UBE4A: variants seen among roughly 807,000 people sequenced by gnomAD.
UBE4A encodes the protein ubiquitination factor E4A.
A neutral mutation model predicts 117.9 loss-of-function variants in UBE4A; 48 were observed. The observed-to-expected ratio is 0.41, with a 90% CI of 0.32 to 0.52. The LOEUF is 0.52. Ranked by LOEUF, UBE4A falls within the 20% of genes least tolerant of loss-of-function variation. UBE4A has a pLI of 0.33. For missense variants in UBE4A, 1,067 were observed against 1,296.3 expected (o/e 0.82, Z 2.72); for synonymous variants, 407 against 450.0 (o/e 0.90, Z 1.21).
At chr11:118,380,118 TG>T (rs1948688758) in intron 11 of UBE4A, among the ~76,000 whole-genome samples, 1 of 64,438 alleles carries the variant, frequency 1.6e-5, no homozygotes, top group African/African-American at 5.9e-5. Flanking sequence ...AGGGAAAGAG[TG>T]TGTGTGTGTG....
At position 118,374,885 on chromosome 11, in the gene UBE4A, T is replaced by C; in HGVS notation, c.1117-11T>C. 6.7e-7 allele frequency: 1 copy of C among 1,492,998 alleles called. No homozygotes were observed. The allele number at this position is 1,492,998 out of a possible 1,614,324, so 92.5% of individuals were successfully genotyped here. A position where few individuals can be genotyped will look rare whatever the true frequency, so the allele number is the denominator to read the frequency against. On this transcript the variant is annotated splice_polypyrimidine_tract_variant and intron_variant, in intron 8 of 19. Coordinates refer to ENST00000252108, the MANE Select transcript of UBE4A (RefSeq NM_001204077.2). Reference sequence around the variant, plus strand: ...TGAAACGTTCTGTGGTTGTGTTTTCTGGTTGAACAGTTCATGGCTCAGTTC... The same window carrying C: ...TGAAACGTTCTGTGGTTGTGTTTTCCGGTTGAACAGTTCATGGCTCAGTTC...
At chr11:118,364,374 T>C (rs1283213704) in intron 1 of UBE4A, among the ~76,000 whole-genome samples, 1 of 152,130 alleles carries the variant, frequency 6.6e-6, no homozygotes, top group Non-Finnish European at 1.5e-5. Flanking sequence ...GAAGGTTAGA[T>C]ATAGCATGAA....
intron 4 of UBE4A, 65 bp downstream of exon 4, chr11:118,369,600 C>A (rs1565530262): frequency 9.1e-6 from 10 of 1,098,076 alleles, no homozygotes; most frequent in Non-Finnish European, 1.2e-5. Context: ...GAATTCTGCT[C>A]ACTGTTCTCC....
At chr11:118,389,932 C>G in intron 17 of UBE4A, 27 bp downstream of exon 17, 1 of 1,514,492 alleles carries the variant, frequency 6.6e-7, no homozygotes, top group Non-Finnish European at 9.0e-7. Flanking sequence ...TCTGTCAAGC[C>G]AGAGGGGATG....
At chr11:118,383,733 A>T (rs1555126724) in intron 13 of UBE4A, among the ~76,000 whole-genome samples, 2 of 152,068 alleles carry the variant, frequency 1.3e-5, no homozygotes, top group Non-Finnish European at 2.9e-5. Context: ...TTTTAAAGGG[A>T]TATCTACCAT....
At chr11:118,390,848 C>T (rs1555128298) in intron 18 of UBE4A, 44 bp downstream of exon 18, 6 of 1,596,938 alleles carry the variant, frequency 3.8e-6, no homozygotes, top group East Asian at 2.3e-5. Context: ...TTAAGAACCA[C>T]GTTGTCAGCC....
In UBE4A at chr11:118,368,759, A is replaced by C; in HGVS notation, c.250A>C (p.Ile84Leu). ...SQQEICEQLN[I>L]NHMIQRIFLI... Reference sequence around the variant, plus strand: ...GCAGGAAATATGTGAGCAACTCAACATCAATCACATGATCCAAAGGATCTT... The same window carrying C: ...GCAGGAAATATGTGAGCAACTCAACCTCAATCACATGATCCAAAGGATCTT... Residue 84 changes from isoleucine (I) to leucine (L), a missense_variant, in exon 3 of 20, where the codon ATC (isoleucine) becomes CTC (leucine). Coordinates refer to ENST00000252108, the MANE Select transcript of UBE4A (RefSeq NM_001204077.2). 1 of 1,614,210 alleles carries C rather than the reference A, an allele frequency of 6.2e-7. No individual in the cohort carries two copies. The highest frequency in any genetic ancestry group is 8.5e-7 in the Non-Finnish European group (1 of 1,180,026).
At chr11:118,367,404 T>A (rs11216859) in intron 2 of UBE4A, among the ~76,000 whole-genome samples, 1 of 151,936 alleles carries the variant, frequency 6.6e-6, no homozygotes, top group African/African-American at 2.4e-5. Context: ...ACCATTAAAT[T>A]GTTTTTTTAC....
At chr11:118,365,235 G>T (rs751712426) in intron 2 of UBE4A, 34 bp downstream of exon 2, 2 of 1,535,024 alleles carry the variant, frequency 1.3e-6, no homozygotes, top group South Asian at 2.5e-5. Context: ...CAAATAAGAT[G>T]ACCTAGAATG....
rs1209577301 is a variant in UBE4A, at chr11:118,398,943, A to G, written c.*2503A>G. 2 of 321,886 alleles carry G rather than the reference A, an allele frequency of 6.2e-6. No homozygotes were observed. Among genetic ancestry groups the G allele is most frequent in the Non-Finnish European group, 1.3e-5 (2 of 154,506 alleles). 19.9% of individuals were successfully genotyped at this position (321,886 alleles called of 1,614,324 possible). On this transcript the variant is annotated 3_prime_UTR_variant, in exon 20 of 20. Coordinates refer to ENST00000252108, the MANE Select transcript of UBE4A (RefSeq NM_001204077.2). ...CTTTATTTGATGGTGGTTGCTAAGC[A>G]GCCATTGCACAGAGCATAAGTCTAC... is the stretch of plus-strand genomic sequence containing the variant.
intron 19 of UBE4A, 51 bp from the exon 20 acceptor site, chr11:118,396,263 A>G (rs782475879): frequency 6.3e-7 from 1 of 1,577,446 alleles, no homozygotes; most frequent in Admixed American, 2.0e-5. Context: ...TTGGCTTAGA[A>G]TGTTAGAACT....
intron 11 of UBE4A, 137 bp from the exon 12 acceptor site, chr11:118,381,254 C>T (rs941377967): frequency 1.1e-5 from 11 of 1,021,212 alleles, no homozygotes; most frequent in East Asian, 2.5e-5. Flanking sequence ...ATTGACTTAA[C>T]GACCATCTCT....
At position 118,392,722 on chromosome 11, in the gene UBE4A, G is replaced by A. The variant is rs370725026; in HGVS notation, c.2917-16G>A. On this transcript the variant is annotated splice_polypyrimidine_tract_variant and intron_variant, in intron 18 of 19. Coordinates refer to ENST00000252108, the MANE Select transcript of UBE4A (RefSeq NM_001204077.2). ...CACTGTGAATTCACTTTAACTACCAGATGTTGTATACTCAGTCTCTTGCAG... is the reference window on the plus strand; with the variant it reads ...CACTGTGAATTCACTTTAACTACCAAATGTTGTATACTCAGTCTCTTGCAG... 37 of 1,610,952 alleles carry A rather than the reference G, an allele frequency of 2.3e-5. No individual in the cohort carries two copies. The highest frequency in any genetic ancestry group is 3.1e-5 in the Non-Finnish European group (36 of 1,178,600).
intron 17 of UBE4A, among the ~76,000 whole-genome samples, chr11:118,390,391 ATTAT>A (rs1441256021): frequency 1.4e-5 from 2 of 144,986 alleles, no homozygotes; most frequent in East Asian, 3.9e-4. Context: ...TTTAATATAT[ATTAT>A]TTATAATTTA....
intron 4 of UBE4A, among the ~76,000 whole-genome samples, chr11:118,371,164 G>A (rs1948605306): frequency 6.6e-6 from 1 of 152,114 alleles, no homozygotes. Flanking sequence ...CTTCACATTT[G>A]GAGTATCTTT....
At chr11:118,392,359 T>C (rs1948826995) in intron 18 of UBE4A, among the ~76,000 whole-genome samples, 1 of 152,228 alleles carries the variant, frequency 6.6e-6, no homozygotes, top group South Asian at 2.1e-4. Context: ...TGAGTGACTC[T>C]AATTATGCAA....
At chr11:118,396,290 T>C (rs1555129697) in intron 19 of UBE4A, 24 bp from the exon 20 acceptor site, 1 of 1,602,634 alleles carries the variant, frequency 6.2e-7, no homozygotes, top group Admixed American at 1.8e-5. Flanking sequence ...AATAACCCTA[T>C]TTCCCTTTCT....
chr11:118,382,574 T>A lies in UBE4A; in HGVS notation c.2010-15T>A. The A allele has an allele frequency of 6.6e-7, 1 of 1,518,818 alleles. No individual in the cohort carries two copies. The highest frequency in any genetic ancestry group is 1.3e-5 in the South Asian group (1 of 77,710). The allele number at this position is 1,518,818 out of a possible 1,614,324, so 94.1% of individuals were successfully genotyped here. A position where few individuals can be genotyped will look rare whatever the true frequency, so the allele number is the denominator to read the frequency against. ...TAAGCTTATCTGCTCATCTTGCTTT[T>A]TGCCCATTTTGCAGAATGAAGAATC... On this transcript the variant is annotated splice_polypyrimidine_tract_variant and intron_variant, in intron 12 of 19. Coordinates refer to ENST00000252108, the MANE Select transcript of UBE4A (RefSeq NM_001204077.2).
At chr11:118,379,913 G>C (rs1305361233) in intron 11 of UBE4A, among the ~76,000 whole-genome samples, 163 bp downstream of exon 11, 1 of 152,136 alleles carries the variant, frequency 6.6e-6, no homozygotes, top group Non-Finnish European at 1.5e-5. Context: ...AAGTATTAGG[G>C]GACTAACAGT....
Sources: gnomAD v4.1 joint callset for allele counts (sites outside exome capture counted in the v4.1 genomes callset) on GRCh38, gnomAD v4.1.1 for gene constraint, MANE v1.5 for transcripts, NCBI Gene and HGNC (gene_info 2026-07-23, HGNC 2026-07-21) for gene names.